The following SLC38A4 variants were observed in gnomAD, a reference collection of about 807,000 sequenced individuals.
SLC38A4 encodes the protein sodium-coupled neutral amino acid transporter 4.
Under a neutral mutation model 63.1 loss-of-function variants are expected in SLC38A4, and 20 were observed. The observed-to-expected ratio is 0.32, with a 90% confidence interval of 0.22 to 0.46. The LOEUF (loss-of-function observed/expected upper bound fraction) is 0.46, where lower values mean the gene tolerates loss of function less well. SLC38A4 is among the 20% of genes least tolerant of loss of function. The probability of loss-of-function intolerance (pLI) is 1.00; values close to 1 mark genes in which losing one functional copy is unlikely to be tolerated. For missense variants in SLC38A4, 526 were observed against 663.6 expected, an observed-to-expected ratio of 0.79 and a Z score of 2.28; for synonymous variants, 230 against 225.5, an observed-to-expected ratio of 1.02 and a Z score of -0.18.
intron 3 of SLC38A4, among the ~76,000 whole-genome samples, chr12:46,789,207 T>G (rs1938829130): frequency 6.7e-6 from 1 of 149,082 alleles, no homozygotes; most frequent in African/African-American, 2.5e-5. Flanking sequence ...GTATTTTCTT[T>G]CTTTTTTTTT....
rs747121155 is a variant in SLC38A4 at position 46,765,511 on chromosome 12, A to G, written c.*1190T>C. On this transcript the variant is annotated 3_prime_UTR_variant, in exon 17 of 17. Transcript: ENST00000266579. ...CTTGTAGATCATCCTATTATTGTAA[A>G]TATTGAAGAAGAGCATTGCCAAACT... 125 of 316,864 alleles carry G rather than the reference A, an allele frequency of 3.9e-4. 2 individuals carry two copies. Among genetic ancestry groups the G allele is most frequent in the Non-Finnish European group, 5.6e-4 (91 of 163,918 alleles). The allele number at this position is 316,864 out of a possible 1,614,324, so 19.6% of individuals were successfully genotyped here. A position where few individuals can be genotyped will look rare whatever the true frequency, so the allele number is the denominator to read the frequency against.
At chr12:46,783,280 T>TAA in intron 7 of SLC38A4, among the ~76,000 whole-genome samples, 1 of 132,934 alleles carries the variant, frequency 7.5e-6, no homozygotes. Flanking sequence ...TAGATAAAGA[T>TAA]AGATAGATAT....
chr12:46,783,028 G>GTGTA (rs1938676145), intron 7 of SLC38A4, among the ~76,000 whole-genome samples: 1 of 114,568 alleles, frequency 8.7e-6, no homozygotes, highest in Non-Finnish European at 1.9e-5. Flanking sequence ...AAATGTGTGT[G>GTGTA]TGTGTGTGTG....
At chr12:46,766,917 A>G in intron 16 of SLC38A4, 115 bp from the exon 17 acceptor site, 4 of 651,630 alleles carry the variant, frequency 6.1e-6, no homozygotes, top group Non-Finnish European at 1.1e-5. Flanking sequence ...TATTATTCTT[A>G]ATATCTCAGA....
chr12:46,797,606 T>C (rs1484811887), intron 2 of SLC38A4, among the ~76,000 whole-genome samples: 1 of 152,134 alleles, frequency 6.6e-6, no homozygotes, highest in East Asian at 1.9e-4. Flanking sequence ...GAAAGCCAAT[T>C]CCCATTATAA....
chr12:46,791,541 T>C lies in SLC38A4; in HGVS notation c.119+1412A>G, dbSNP rs566388582. On this transcript the variant is annotated intron_variant, in intron 3 of 16. Transcript: ENST00000266579. Reference sequence around the variant, plus strand: ...TGTAAATAAAATGAGAAGTCTTTGTTTGAGCACAATATTCTCTATTTCACG... The same window carrying C: ...TGTAAATAAAATGAGAAGTCTTTGTCTGAGCACAATATTCTCTATTTCACG... Among the ~76,000 whole-genome samples the C allele has an allele frequency of 3.9e-5, 6 of 152,318 alleles. No homozygotes were observed. In the East Asian group the frequency reaches 5.8e-4, roughly 15 times the overall value.
chr12:46,831,873 C>G (rs542566804), intron 1 of SLC38A4, among the ~76,000 whole-genome samples: 1 of 152,260 alleles, frequency 6.6e-6, no homozygotes, highest in African/African-American at 2.4e-5. Flanking sequence ...GCGGCGCGGC[C>G]ACGGAACGCA....
At chr12:46,791,000 T>C (rs12581848) in intron 3 of SLC38A4, among the ~76,000 whole-genome samples, 19,297 of 152,154 alleles carry the variant, frequency 0.13, 1,893 homozygotes, top group African/African-American at 0.28. Flanking sequence ...TCGGAACACA[T>C]TGCATGAAGC....
intron 10 of SLC38A4, 92 bp downstream of exon 10, chr12:46,779,519 G>A: frequency 1.0e-6 from 1 of 958,000 alleles, no homozygotes; most frequent in Non-Finnish European, 1.6e-6. Flanking sequence ...TTTCATATTA[G>A]TGAAGTGCTT....
At chr12:46,813,971 A>G (rs1030400637) in intron 1 of SLC38A4, among the ~76,000 whole-genome samples, 2 of 152,070 alleles carry the variant, frequency 1.3e-5, no homozygotes, top group Non-Finnish European at 2.9e-5. Context: ...TACCGATTTA[A>G]TAAGTCTTTT....
At chr12:46,824,643 G>C (rs1305773356) in intron 1 of SLC38A4, among the ~76,000 whole-genome samples, 1 of 152,026 alleles carries the variant, frequency 6.6e-6, no homozygotes, top group Non-Finnish European at 1.5e-5. Context: ...AGTGTAAAAA[G>C]AAAAAAACTC....
rs1161915476 is a variant in SLC38A4 at position 46,778,724 on chromosome 12, C to A, written c.770G>T (p.Ser257Ile). 6.2e-7 allele frequency: 1 copy of A among 1,612,688 alleles called. No individual in the cohort carries two copies. The highest frequency in any genetic ancestry group is 2.2e-5 in the East Asian group (1 of 44,810). ...GTTGTTGAATGACAGATTTCCAACA[C>A]TGTGATCCAAAACAGGTAGAGGGCA... ...IPCPLPVLDH[S>I]VGNLSFNNTL... The change falls in exon 11 of 17, where the codon AGT becomes ATT. Residue 257 changes from serine to isoleucine, a missense_variant. Physicochemically the swap from Ser to Ile is moderately radical, Grantham distance 142. Coordinates refer to ENST00000266579, the MANE Select transcript of SLC38A4 (RefSeq NM_018018.5).
At position 46,766,368 on chromosome 12, in the gene SLC38A4, A is replaced by G. The variant is rs1336540537; in HGVS notation, c.*333T>C. ...AGGGGGTGCAGGATGAGGAGACGGC[A>G]GGGGAAAGAGTACTATCTGATGATT... On this transcript the variant is annotated 3_prime_UTR_variant, in exon 17 of 17. Coordinates refer to ENST00000266579, the MANE Select transcript of SLC38A4 (RefSeq NM_018018.5). 2.1e-6 allele frequency: 1 copy of G among 470,426 alleles called. No individual in the cohort carries two copies. Among genetic ancestry groups the G allele is most frequent in the Admixed American group, 2.3e-5 (1 of 42,948 alleles). 29.1% of individuals were successfully genotyped at this position (470,426 alleles called of 1,614,324 possible). A position where few individuals can be genotyped will look rare whatever the true frequency, so the allele number is the denominator to read the frequency against.
intron 1 of SLC38A4, among the ~76,000 whole-genome samples, chr12:46,818,726 T>G (rs535025664): frequency 1.3e-5 from 2 of 151,874 alleles, no homozygotes; most frequent in Non-Finnish European, 2.9e-5. Context: ...TCTATGTATA[T>G]CAGTAATAGA....
chr12:46,814,258 G>A (rs1177810847), intron 1 of SLC38A4, among the ~76,000 whole-genome samples: 3 of 151,836 alleles, frequency 2.0e-5, no homozygotes, highest in Non-Finnish European at 4.4e-5. Flanking sequence ...CTATTGGTTG[G>A]CACTGGGGAA....
intron 5 of SLC38A4, among the ~76,000 whole-genome samples, chr12:46,785,985 A>G (rs1938754388): frequency 6.6e-6 from 1 of 151,988 alleles, no homozygotes; most frequent in Non-Finnish European, 1.5e-5. Context: ...CTTTCCCCAC[A>G]ATTGATCTAA....
intron 6 of SLC38A4, 103 bp from the exon 7 acceptor site, chr12:46,784,737 A>G (rs1938722837): frequency 5.9e-6 from 5 of 854,388 alleles, no homozygotes; most frequent in Middle Eastern, 6.3e-4. Context: ...GTAAATAAAC[A>G]TCATATAGAA....
At position 46,778,584 on chromosome 12, in the gene SLC38A4, C is replaced by A. The variant is rs759965383; in HGVS notation, c.910G>T (p.Gly304Cys). 6.8e-6 allele frequency: 11 copies of A among 1,612,986 alleles called. No homozygotes were observed. Among genetic ancestry groups the A allele is most frequent in the Non-Finnish European group, 7.6e-6 (9 of 1,179,398 alleles). ...PAGLDENQAK[G>C]SLHDSGVEYE... ...TCTACTCCACTGTCATGAAGAGAGC[C>A]CTTGGCCTGGTTCTCATCCAGCCCT... The change falls in exon 11 of 17, where the codon GGC (glycine) becomes TGC (cysteine). Residue 304 changes from glycine (G) to cysteine (C), a missense_variant. Coordinates refer to ENST00000266579, the MANE Select transcript of SLC38A4 (RefSeq NM_018018.5).
chr12:46,792,877 C>T, intron 3 of SLC38A4, 76 bp downstream of exon 3: 1 of 1,016,866 alleles, frequency 9.8e-7, no homozygotes, highest in Non-Finnish European at 1.5e-6. Context: ...TCCAGTTCTT[C>T]CCATCAAGAC....
Sources: allele counts gnomAD v4.1 joint callset (sites outside exome capture counted in the v4.1 genomes callset), GRCh38; gene constraint gnomAD v4.1.1; transcripts MANE v1.5; gene names NCBI Gene and HGNC (gene_info 2026-07-23, HGNC 2026-07-21).